Variants in COL28A1 observed in about 807,000 individuals in gnomAD.
COL28A1 encodes collagen type XXVIII alpha 1 chain, also known as collagen alpha-1(XXVIII) chain.
A neutral mutation model predicts 150.2 loss-of-function variants in COL28A1; 161 were observed. That is an observed-to-expected ratio of 1.07 (90% CI 0.94 to 1.22). The LOEUF (loss-of-function observed/expected upper bound fraction) is 1.22, where lower values mean the gene tolerates loss of function less well. Ranked by LOEUF, COL28A1 falls within the 50% of genes most tolerant of loss-of-function variation. The probability of loss-of-function intolerance (pLI) is 0.00; values close to 1 mark genes in which losing one functional copy is unlikely to be tolerated. For synonymous variants in COL28A1, 552 were observed against 469.7 expected (o/e 1.18, Z -2.26); for missense variants, 1,617 against 1,388.3 (o/e 1.16, Z -2.62).
At chr7:7,387,595 T>C (rs997709992) in intron 27 of COL28A1, among the ~76,000 whole-genome samples, 1 of 151,226 alleles carries the variant, frequency 6.6e-6, no homozygotes, top group Non-Finnish European at 1.5e-5. Flanking sequence ...GACACAGACA[T>C]ATATATATAT....
chr7:7,434,176 T>A (rs1348106221), intron 23 of COL28A1, among the ~76,000 whole-genome samples: 1 of 152,210 alleles, frequency 6.6e-6, no homozygotes, highest in South Asian at 2.1e-4. Context: ...AATGATCATC[T>A]TTAGGAAATA....
At chr7:7,475,582 G>C (rs1447642050) in intron 14 of COL28A1, among the ~76,000 whole-genome samples, 1 of 152,130 alleles carries the variant, frequency 6.6e-6, no homozygotes, top group Non-Finnish European at 1.5e-5. Flanking sequence ...TAATATAAAA[G>C]TATGTTGAAC....
At chr7:7,458,377 T>C (rs959939953) in intron 15 of COL28A1, among the ~76,000 whole-genome samples, 3 of 151,608 alleles carry the variant, frequency 2.0e-5, no homozygotes, top group Non-Finnish European at 4.4e-5. Context: ...GATGGTGCCA[T>C]TGCACTCCAG....
chr7:7,342,805 C>G, the COL28A1 span, among the ~76,000 whole-genome samples: 1 of 151,926 alleles, frequency 6.6e-6, no homozygotes, highest in Admixed American at 6.6e-5. Context: ...GGGCAATGTT[C>G]ATTTATTTTT....
intron 13 of COL28A1, among the ~76,000 whole-genome samples, chr7:7,483,482 A>T (rs1779461170): frequency 6.6e-6 from 1 of 152,166 alleles, no homozygotes; most frequent in African/African-American, 2.4e-5. Context: ...TGTGCTGTGT[A>T]TGAGTTTATG....
At chr7:7,498,878 C>T (rs1444268242) in intron 11 of COL28A1, among the ~76,000 whole-genome samples, 3 of 151,040 alleles carry the variant, frequency 2.0e-5, no homozygotes, top group Non-Finnish European at 4.4e-5. Context: ...CTTGGTCCAT[C>T]AGAGCTTTTA....
chr7:7,511,112 T>C lies in COL28A1; in HGVS notation c.906A>G (p.Lys302=). 1.2e-6 allele frequency: 2 copies of C among 1,613,130 alleles called. No individual in the cohort carries two copies. The highest frequency in any genetic ancestry group is 2.2e-5 in the South Asian group (2 of 91,036). ...TTACCTTGTCACCTTTTATCCCTGG[T>C]TTACCACATTCCCCACGTTCACCCT... ...GDKGERGECG[K]PGIKGDKGSP... is the part of the protein sequence containing the mutation. The change falls in exon 9 of 35, where the codon AAA becomes AAG. Residue 302 remains lysine, a synonymous_variant. Coordinates refer to ENST00000399429, the MANE Select transcript of COL28A1 (RefSeq NM_001037763.3).
intron 9 of COL28A1, among the ~76,000 whole-genome samples, chr7:7,510,277 T>C (rs904246904): frequency 6.6e-6 from 1 of 151,916 alleles, no homozygotes; most frequent in African/African-American, 2.4e-5. Flanking sequence ...CTTTCATTAT[T>C]GATTGATTGA....
At chr7:7,377,995 T>C (rs920855798) in intron 30 of COL28A1, among the ~76,000 whole-genome samples, 1 of 148,916 alleles carries the variant, frequency 6.7e-6, no homozygotes, top group Non-Finnish European at 1.5e-5. Context: ...GAGGCAGGAG[T>C]GGGATAGGGG....
intron 18 of COL28A1, among the ~76,000 whole-genome samples, chr7:7,448,944 A>T (rs1028780594): frequency 6.6e-6 from 1 of 152,124 alleles, no homozygotes; most frequent in African/African-American, 2.4e-5. Flanking sequence ...TGGAAAGCAG[A>T]TCTGTGGGAA....
intron 30 of COL28A1, among the ~76,000 whole-genome samples, chr7:7,379,655 A>AAATG (rs1013017700): frequency 1.3e-5 from 2 of 152,210 alleles, no homozygotes; most frequent in African/African-American, 2.4e-5. Context: ...AAGGTTGGTG[A>AAATG]AATGAATGAA....
chr7:7,513,410 C>T (rs981570732), intron 8 of COL28A1, among the ~76,000 whole-genome samples: 9 of 152,282 alleles, frequency 5.9e-5, no homozygotes, highest in South Asian at 2.1e-4. Context: ...GACATTTCTG[C>T]CTAGGGTACT....
chr7:7,477,767 T>C (rs564237759), intron 13 of COL28A1, among the ~76,000 whole-genome samples: 3 of 152,192 alleles, frequency 2.0e-5, no homozygotes, highest in African/African-American at 7.2e-5. Flanking sequence ...GCTTCCACGG[T>C]ATGGAAACGG....
chr7:7,358,697 C>CA lies in COL28A1; in HGVS notation c.3313dup (p.Cys1105LeufsTer2). On this transcript the variant is annotated frameshift_variant, in exon 35 of 35. Coordinates refer to ENST00000399429, the MANE Select transcript of COL28A1 (RefSeq NM_001037763.3). LOFTEE classifies it high-confidence loss of function. ...GTTGAATCTATTTCCTGAGCCATTA[C>CA]AGCCACTGAACCAAAATCGGGCACA... 6.2e-7 allele frequency: 1 copy of CA among 1,614,038 alleles called. No homozygotes were observed. Among genetic ancestry groups the CA allele is most frequent in the Non-Finnish European group, 8.5e-7 (1 of 1,179,970 alleles).
At position 7,358,610 on chromosome 7, in the gene COL28A1, T is replaced by TAG; in HGVS notation, c.*21_*22dup. The TAG allele has an allele frequency of 6.2e-7, 1 of 1,610,788 alleles. No individual in the cohort carries two copies. Among genetic ancestry groups the TAG allele is most frequent in the Middle Eastern group, 1.7e-4 (1 of 6,050 alleles). On this transcript the variant is annotated 3_prime_UTR_variant, in exon 35 of 35. Transcript: ENST00000399429. ...AAATTAGGGAGTTCTATGCTTTTGA[T>TAG]AGAGACAGGCCAATTTACTTGCTCA...
chr7:7,340,648 C>CT, the COL28A1 span, among the ~76,000 whole-genome samples: 177 of 151,512 alleles, frequency 1.2e-3, 1 homozygote, highest in Admixed American at 3.5e-3. Context: ...CATTTCCCAT[C>CT]TTTTTTTTTC....
intron 25 of COL28A1, among the ~76,000 whole-genome samples, chr7:7,421,898 T>C (rs1205298009): frequency 6.6e-6 from 1 of 152,196 alleles, no homozygotes; most frequent in African/African-American, 2.4e-5. Flanking sequence ...ACCTCTCTCC[T>C]ACTGACTCCC....
intron 15 of COL28A1, among the ~76,000 whole-genome samples, chr7:7,459,335 C>G (rs767813574): frequency 6.6e-6 from 1 of 152,136 alleles, no homozygotes; most frequent in Non-Finnish European, 1.5e-5. Flanking sequence ...AGAGATTGAA[C>G]AAAGAATTGT....
chr7:7,446,337 A>T (rs1189581383), intron 18 of COL28A1, among the ~76,000 whole-genome samples: 1 of 152,180 alleles, frequency 6.6e-6, no homozygotes, highest in African/African-American at 2.4e-5. Flanking sequence ...ATTTTTTCAA[A>T]TGTATTGGAA....
Sources: allele counts gnomAD v4.1 joint callset (sites outside exome capture counted in the v4.1 genomes callset), GRCh38; gene constraint gnomAD v4.1.1; transcripts MANE v1.5; gene names NCBI Gene and HGNC (gene_info 2026-07-23, HGNC 2026-07-21).